The following MBP variants were observed in gnomAD, a reference collection of about 807,000 sequenced individuals.
The protein encoded by MBP is myelin basic protein.
MBP carries 16 observed loss-of-function variants against 35.8 expected under a neutral mutation model. The observed-to-expected ratio is 0.45, with a 90% CI of 0.30 to 0.68. The LOEUF (loss-of-function observed/expected upper bound fraction) is 0.68. Among genes scored for constraint, MBP ranks in the 30% least tolerant of loss-of-function variants. The pLI, the probability that MBP is intolerant of heterozygous loss-of-function variation, is 0.08. For missense variants in MBP, 380 were observed against 404.7 expected (o/e 0.94, Z 0.52); for synonymous variants, 143 against 159.6 (o/e 0.90, Z 0.78).
chr18:77,121,043 T>G (rs1395341924), intron 1 of MBP, among the ~76,000 whole-genome samples: 1 of 152,256 alleles, frequency 6.6e-6, no homozygotes, highest in Non-Finnish European at 1.5e-5. Flanking sequence ...CTCACGCCTG[T>G]AATCCCAGCA....
chr18:76,987,104 C>G, intron 7 of MBP: 1 of 985,480 alleles, frequency 1.0e-6, no homozygotes, highest in Non-Finnish European at 1.2e-6. Context: ...AAGGGTCTTT[C>G]TTGTTAGCTG....
intron 2 of MBP, among the ~76,000 whole-genome samples, chr18:77,095,857 C>T (rs182338189): frequency 2.2e-4 from 34 of 152,334 alleles, no homozygotes; most frequent in Admixed American, 2.1e-3. Context: ...CGTCAGCACC[C>T]GCCATGTGCA....
chr18:76,983,725 A>C (rs563583436), intron 8 of MBP: 1 of 152,018 alleles, frequency 6.6e-6, no homozygotes, highest in South Asian at 2.1e-4. Flanking sequence ...TGTTGTCCAC[A>C]GAACCTCCCA....
intron 2 of MBP, among the ~76,000 whole-genome samples, chr18:77,071,788 A>G (rs905918345): frequency 6.6e-6 from 1 of 152,162 alleles, no homozygotes; most frequent in African/African-American, 2.4e-5. Context: ...AAAGCTAGAG[A>G]AGCAAGCCCA....
At chr18:76,986,997 A>G (rs1969596115) in intron 7 of MBP, 2 of 985,362 alleles carry the variant, frequency 2.0e-6, no homozygotes, top group Non-Finnish European at 2.4e-6. Flanking sequence ...GGAAACAGAC[A>G]AGCAGACAAA....
chr18:76,988,209 G>C lies in MBP; in HGVS notation c.750+286C>G, dbSNP rs1407289434. The C allele has an allele frequency of 1.3e-6, 2 of 1,548,240 alleles. No individual in the cohort carries two copies. The highest frequency in any genetic ancestry group is 1.7e-6 in the Non-Finnish European group (2 of 1,146,950). ...CGTGGTGTTGCTCCCTCCCTGGGAG[G>C]GAGACCAGTCACGTCGCCTGGGAAC... On this transcript the variant is annotated intron_variant, in intron 7 of 8. Coordinates refer to ENST00000355994, the MANE Select transcript of MBP (RefSeq NM_001025101.2). This position sits in a 1 kb window ranked among gnomAD's most constrained non-coding sequence, Gnocchi z 5.2.
chr18:77,023,407 G>A (rs1357579624), intron 3 of MBP, among the ~76,000 whole-genome samples: 3 of 152,064 alleles, frequency 2.0e-5, no homozygotes, highest in African/African-American at 7.2e-5. Flanking sequence ...TCCTTCTTTT[G>A]GACTATTTCT....
At chr18:77,025,808 G>A (rs989807451) in intron 3 of MBP, among the ~76,000 whole-genome samples, 1 of 141,748 alleles carries the variant, frequency 7.1e-6, no homozygotes, top group African/African-American at 2.6e-5. Context: ...AAACCAGCAC[G>A]TGTGAGAGAC....
intron 4 of MBP, chr18:77,016,381 G>A: frequency 2.0e-6 from 2 of 995,290 alleles, no homozygotes; most frequent in Non-Finnish European, 2.4e-6. Flanking sequence ...TCCTATGATT[G>A]TCGCAGAGCA....
At chr18:77,058,436 C>T (rs1973829830) in intron 3 of MBP, among the ~76,000 whole-genome samples, 1 of 152,180 alleles carries the variant, frequency 6.6e-6, no homozygotes, top group Admixed American at 6.5e-5. Context: ...TCGCCAGCCA[C>T]GGGAGGGAGC....
chr18:77,049,877 A>G (rs750345105), intron 3 of MBP, among the ~76,000 whole-genome samples: 8 of 151,828 alleles, frequency 5.3e-5, no homozygotes, highest in Admixed American at 1.3e-4. Flanking sequence ...ATGGGGTTTC[A>G]CCATGTTGGC....
intron 4 of MBP, among the ~76,000 whole-genome samples, chr18:76,998,343 A>ACCCCCGTCAGAATCC (rs59801554): frequency 3.2e-5 from 1 of 31,016 alleles, no homozygotes; most frequent in Non-Finnish European, 9.3e-5. Flanking sequence ...ATCCCCTTCC[A>ACCCCCGTCAGAATCC]CCTTCCACCG....
At chr18:77,057,955 TAGCTGGG>T (rs1182919558) in intron 3 of MBP, among the ~76,000 whole-genome samples, 2 of 57,302 alleles carry the variant, frequency 3.5e-5, no homozygotes, top group Non-Finnish European at 5.9e-5. Context: ...GCCTCCCGAG[TAGCTGGG>T]ACTACAGGCG....
intron 3 of MBP, among the ~76,000 whole-genome samples, chr18:77,055,065 C>T (rs913348565): frequency 4.6e-5 from 7 of 152,192 alleles, no homozygotes; most frequent in African/African-American, 1.7e-4. Flanking sequence ...TGGGAGGCCC[C>T]GCAGTTAGAA....
intron 3 of MBP, among the ~76,000 whole-genome samples, chr18:77,018,006 A>G (rs531514859): frequency 6.6e-6 from 1 of 152,362 alleles, no homozygotes; most frequent in South Asian, 2.1e-4. Flanking sequence ...TTAGGTTTAA[A>G]TAAATATCAT....
chr18:76,985,037 C>A, intron 7 of MBP, 143 bp from the exon 8 acceptor site: 2 of 1,495,326 alleles, frequency 1.3e-6, no homozygotes, highest in East Asian at 2.4e-5. Flanking sequence ...CACGGGCCAG[C>A]ACCACGCTGA....
chr18:77,085,261 T>C (rs1445796154), intron 2 of MBP, among the ~76,000 whole-genome samples: 1 of 152,200 alleles, frequency 6.6e-6, no homozygotes, highest in Non-Finnish European at 1.5e-5. Flanking sequence ...TGTTTCTGTA[T>C]TGAACTGTGT....
intron 2 of MBP, among the ~76,000 whole-genome samples, chr18:77,081,718 C>T (rs1347384152): frequency 6.6e-6 from 1 of 150,658 alleles, no homozygotes; most frequent in African/African-American, 2.4e-5. Flanking sequence ...CAGATGTCCA[C>T]ACAGAGCTTA....
chr18:77,007,416 T>G (rs1296489094), intron 4 of MBP, among the ~76,000 whole-genome samples: 2 of 152,158 alleles, frequency 1.3e-5, no homozygotes, highest in Admixed American at 1.3e-4. Context: ...GCACCCTCTG[T>G]GTGCACCTCC....
Sources: allele counts gnomAD v4.1 joint callset (sites outside exome capture counted in the v4.1 genomes callset), GRCh38; gene constraint gnomAD v4.1.1; non-coding constraint Gnocchi (gnomAD v3.1); transcripts MANE v1.5; gene names NCBI Gene and HGNC (gene_info 2026-07-23, HGNC 2026-07-21).